DNAH6: variants seen among roughly 807,000 people sequenced by gnomAD.
DNAH6 encodes the protein dynein axonemal heavy chain 6.
In DNAH6, 340 loss-of-function variants were observed where a neutral mutation model predicts 491.4. That is an observed-to-expected ratio of 0.69 (90% CI 0.63 to 0.76). DNAH6 has a LOEUF of 0.76. Ranked by LOEUF, DNAH6 falls within the 30% of genes least tolerant of loss-of-function variation. The pLI, the probability that DNAH6 is intolerant of heterozygous loss-of-function variation, is 0.00. For missense variants in DNAH6, 4,443 were observed against 4,972.2 expected (o/e 0.89, Z 3.20); for synonymous variants, 1,603 against 1,686.1 (o/e 0.95, Z 1.21).
chr2:84,625,127 T>C, intron 29 of DNAH6, 64 bp downstream of exon 29: 1 of 1,365,688 alleles, frequency 7.3e-7, no homozygotes, highest in Non-Finnish European at 9.6e-7. Flanking sequence ...ATTTGCAACA[T>C]GACATAACAA....
rs1690694895 is a variant in DNAH6 at position 84,653,877 on chromosome 2, A to T, written c.5634+3A>T. The T allele has an allele frequency of 6.5e-7, 1 of 1,540,582 alleles. No homozygotes were observed. The highest frequency in any genetic ancestry group is 2.0e-5 in the Admixed American group (1 of 49,864). ...CTCAAATTCACATGCTTTTTGAGGTAAGTGTACACATTACTGTGGAGTGAA... is the reference window on the plus strand; with the variant it reads ...CTCAAATTCACATGCTTTTTGAGGTTAGTGTACACATTACTGTGGAGTGAA... On this transcript the variant is annotated splice_donor_region_variant and intron_variant, in intron 34 of 76. Coordinates refer to ENST00000389394, the MANE Select transcript of DNAH6 (RefSeq NM_001370.2).
intron 13 of DNAH6, among the ~76,000 whole-genome samples, chr2:84,578,582 T>G (rs1682704407): frequency 6.6e-6 from 1 of 152,186 alleles, no homozygotes; most frequent in African/African-American, 2.4e-5. Flanking sequence ...ATTTGTAAAG[T>G]GATTGTCAAA....
At chr2:84,710,130 G>T (rs976679935) in intron 55 of DNAH6, among the ~76,000 whole-genome samples, 157 bp from the exon 56 acceptor site, 27 of 152,286 alleles carry the variant, frequency 1.8e-4, no homozygotes, top group African/African-American at 5.8e-4. Context: ...GGGCTTAAAA[G>T]ATGTCTTTAT....
At chr2:84,528,122 G>A (rs1007193811) in intron 3 of DNAH6, among the ~76,000 whole-genome samples, 4 of 152,252 alleles carry the variant, frequency 2.6e-5, no homozygotes, top group African/African-American at 7.2e-5. Context: ...AGCACAGACA[G>A]TGAAGCCCAG....
At chr2:84,513,963 G>T (rs902486380), upstream of DNAH6, among the ~76,000 whole-genome samples, 1 of 152,106 alleles carries the variant, frequency 6.6e-6, no homozygotes, top group Admixed American at 6.5e-5. Context: ...ACCTATTACT[G>T]AGGGGATAAT....
the DNAH6 span, among the ~76,000 whole-genome samples, chr2:84,507,350 A>T: frequency 2.6e-5 from 4 of 152,042 alleles, no homozygotes; most frequent in South Asian, 2.1e-4. Flanking sequence ...AGTTCACTCA[A>T]GATTTGGCTC....
Position 84,683,412 on chromosome 2 carries a change from A to ATTTTTTTT in DNAH6, c.6917-1894_6917-1887dup, listed in dbSNP as rs61217837. On this transcript the variant is annotated intron_variant, in intron 42 of 76. Transcript: ENST00000389394. ...GTGCCCTTTGTTCTACACCACTCTT[A>ATTTTTTTT]TTTTTTTTTTTTTTTTTTTTTTTTT... 1.5e-4 allele frequency among the ~76,000 whole-genome samples: 14 copies of ATTTTTTTT among 93,896 alleles called. 2 individuals carry two copies. Among genetic ancestry groups the ATTTTTTTT allele is most frequent in the African/African-American group, 2.1e-4 (5 of 24,058 alleles). The allele number at this position is 93,896 out of a possible 152,430, so 61.6% of individuals were successfully genotyped here.
intron 37 of DNAH6, among the ~76,000 whole-genome samples, chr2:84,667,948 A>C (rs927220852): frequency 6.6e-6 from 1 of 152,226 alleles, no homozygotes; most frequent in Admixed American, 6.5e-5. Context: ...AGGGACATGG[A>C]TGAAGCTAGA....
intron 10 of DNAH6, 99 bp downstream of exon 10, chr2:84,553,133 A>T (rs1035071768): frequency 3.1e-6 from 2 of 649,754 alleles, no homozygotes; most frequent in Non-Finnish European, 2.7e-6. Flanking sequence ...AGTTGTCACC[A>T]CTCCAAGATG....
intron 4 of DNAH6, among the ~76,000 whole-genome samples, chr2:84,542,091 T>G (rs1336207581): frequency 6.6e-6 from 1 of 152,160 alleles, no homozygotes. Context: ...AATTCCTAAG[T>G]GGCACTGAGC....
rs745624713 is a variant in DNAH6 at position 84,557,925 on chromosome 2, C to A, written c.1793C>A (p.Ser598Tyr). The change falls in exon 11 of 77, where the codon TCT (serine) becomes TAT (tyrosine). Residue 598 changes from serine (S) to tyrosine (Y), a missense_variant. Ser to Tyr is a moderately radical substitution (Grantham distance 144). Transcript: ENST00000389394. The part of the protein sequence containing the change: ...EDDKNFHTII[S>Y]QIKETIQAAF... Reference sequence around the variant, plus strand: ...GATAAGAATTTTCACACAATTATTTCTCAAATAAAGGTATGTTTACTCTGA... The same window carrying A: ...GATAAGAATTTTCACACAATTATTTATCAAATAAAGGTATGTTTACTCTGA... The A allele has an allele frequency of 6.2e-7, 1 of 1,604,144 alleles. No individual in the cohort carries two copies. Among genetic ancestry groups the A allele is most frequent in the African/African-American group, 1.3e-5 (1 of 74,808 alleles).
chr2:84,514,616 T>C (rs935384492), upstream of DNAH6, among the ~76,000 whole-genome samples: 3 of 152,150 alleles, frequency 2.0e-5, no homozygotes, highest in Non-Finnish European at 4.4e-5. Flanking sequence ...ATGGGAAATA[T>C]AAAGCACAGT....
chr2:84,703,404 C>T lies in DNAH6; in HGVS notation c.8071C>T (p.Arg2691Trp), dbSNP rs556817208. The change falls in exon 50 of 77, where the codon CGG becomes TGG. Residue 2691 changes from arginine (R) to tryptophan (W), a missense_variant. Coordinates refer to ENST00000389394, the MANE Select transcript of DNAH6 (RefSeq NM_001370.2). ...KRKQIISARDRVKNGLTKLLE... is the reference protein window; with the variant it reads ...KRKQIISARDWVKNGLTKLLE... ...TTTCATTGTCACTTAGGCACGAGAT[C>T]GGGTGAAGAATGGTCTCACCAAGCT... The T allele has an allele frequency of 2.5e-5, 37 of 1,506,112 alleles. No homozygotes were observed. In the East Asian group the frequency reaches 3.9e-4, roughly 16 times the overall value. 93.3% of individuals were successfully genotyped at this position (1,506,112 alleles called of 1,614,324 possible).
At chr2:84,527,365 A>G (rs375522366) in intron 3 of DNAH6, among the ~76,000 whole-genome samples, 28 of 152,142 alleles carry the variant, frequency 1.8e-4, no homozygotes, top group African/African-American at 6.7e-4. Flanking sequence ...ATGGGAGGAA[A>G]ATGTGAATCA....
intron 49 of DNAH6, 46 bp from the exon 50 acceptor site, chr2:84,703,349 A>C (rs1487210838): frequency 7.3e-7 from 1 of 1,363,396 alleles, no homozygotes; most frequent in Non-Finnish European, 9.7e-7. Context: ...CAGTAAACTT[A>C]GAGTTTATAA....
At chr2:84,724,751 C>G (rs577952842) in intron 60 of DNAH6, among the ~76,000 whole-genome samples, 11 of 152,278 alleles carry the variant, frequency 7.2e-5, no homozygotes, top group Admixed American at 4.6e-4. Flanking sequence ...CTTCTCACTA[C>G]AGGGCAACTG....
At chr2:84,660,144 A>C (rs1691362593) in intron 37 of DNAH6, among the ~76,000 whole-genome samples, 1 of 152,214 alleles carries the variant, frequency 6.6e-6, no homozygotes, top group African/African-American at 2.4e-5. Flanking sequence ...CCACTAAAGA[A>C]AATGAGAAAT....
chr2:84,770,477 G>A (rs1675500185), intron 64 of DNAH6, among the ~76,000 whole-genome samples: 1 of 151,980 alleles, frequency 6.6e-6, no homozygotes, highest in Non-Finnish European at 1.5e-5. Context: ...GAAAACATGA[G>A]AATGATGACT....
At chr2:84,612,943 A>G (rs1686471851) in intron 22 of DNAH6, among the ~76,000 whole-genome samples, 1 of 152,058 alleles carries the variant, frequency 6.6e-6, no homozygotes, top group Non-Finnish European at 1.5e-5. Flanking sequence ...GAAAACTAGT[A>G]TGTTAGATTA....
Sources: gnomAD v4.1 joint callset for allele counts (sites outside exome capture counted in the v4.1 genomes callset) on GRCh38, gnomAD v4.1.1 for gene constraint, MANE v1.5 for transcripts, NCBI Gene and HGNC (gene_info 2026-07-23, HGNC 2026-07-21) for gene names.